The following MSLN variants were observed in gnomAD, a reference collection of about 807,000 sequenced individuals.
MSLN encodes the protein mesothelin, also known as CAK1 antigen.
In MSLN, 82 loss-of-function variants were observed where a neutral mutation model predicts 72.6. That is an observed-to-expected ratio of 1.13 (90% CI 0.94 to 1.36). The LOEUF is 1.36. Among genes scored for constraint, MSLN ranks in the 40% most tolerant of loss-of-function variants. The probability of loss-of-function intolerance (pLI) is 0.00; values close to 1 mark genes in which losing one functional copy is unlikely to be tolerated. For synonymous variants in MSLN, 456 were observed against 387.3 expected, an observed-to-expected ratio of 1.18 and a Z score of -2.08; for missense variants, 1,005 against 847.9, an observed-to-expected ratio of 1.19 and a Z score of -2.30.
In MSLN at chr16:763,219, C is replaced by T. The variant is rs563516882; in HGVS notation, c.86-14C>T. 23 of 1,536,712 alleles carry T rather than the reference C, an allele frequency of 1.5e-5. No individual in the cohort carries two copies. In the African/African-American group the frequency reaches 2.8e-4, roughly 19 times the overall value. The stretch of plus-strand genomic sequence containing the variant: ...CCCGCCCCCTCCCCCAAGCTGTCCC[C>T]TCTGCCCCTTTAGGATGGGTGCAGC... On this transcript the variant is annotated splice_polypyrimidine_tract_variant and intron_variant, in intron 3 of 17. Coordinates refer to ENST00000545450, the MANE Select transcript of MSLN (RefSeq NM_005823.6).
Position 764,908 on chromosome 16 carries a change from C to A in MSLN, c.382C>A (p.Pro128Thr). 1.2e-6 allele frequency: 2 copies of A among 1,611,534 alleles called. No homozygotes were observed. The highest frequency in any genetic ancestry group is 1.7e-6 in the Non-Finnish European group (2 of 1,179,388). The change falls in exon 8 of 18, where the codon CCA becomes ACA. Residue 128 changes from proline (P) to threonine (T), a missense_variant and splice_region_variant. Physicochemically the swap from Pro to Thr is conservative, Grantham distance 38 (BLOSUM62 -1). Coordinates refer to ENST00000545450, the MANE Select transcript of MSLN (RefSeq NM_005823.6). ...GTCCCCAGCACCCTCTCTTCACAGCCCAGATGCGTTCTCGGGGCCCCAGGC... is the reference window on the plus strand; with the variant it reads ...GTCCCCAGCACCCTCTCTTCACAGCACAGATGCGTTCTCGGGGCCCCAGGC... Reference protein sequence around the residue: ...LPLDLLLFLNPDAFSGPQACT... With the variant: ...LPLDLLLFLNTDAFSGPQACT...
At chr16:765,502 T>G in intron 9 of MSLN, 25 bp from the exon 10 acceptor site, 1 of 1,587,700 alleles carries the variant, frequency 6.3e-7, no homozygotes, top group South Asian at 1.1e-5. Flanking sequence ...GGGGGGTCCC[T>G]GAGCTGTGTC....
rs146256452 is a variant in MSLN at position 764,119 on chromosome 16, G to A, written c.276G>A (p.Lys92=). Residue 92 remains lysine (K), a synonymous_variant, in exon 6 of 18, where the codon AAG becomes AAA. Transcript: ENST00000545450. ...AGCTGGCTGTGGCCTTGGCACAGAA[G>A]AATGTCAAGCTCTCAACAGAGCAGG... is the stretch of plus-strand genomic sequence containing the variant. The part of the protein sequence containing the change: ...VRELAVALAQ[K]NVKLSTEQLR... The A allele has an allele frequency of 1.6e-3, 2,553 of 1,605,750 alleles. No homozygotes were observed. Among genetic ancestry groups the A allele is most frequent in the Middle Eastern group, 3.6e-3 (22 of 6,054 alleles).
In MSLN at chr16:763,271, G is replaced by A. The variant is rs377302577; in HGVS notation, c.124G>A (p.Gly42Arg). The change falls in exon 4 of 18, where the codon GGG (glycine) becomes AGG (arginine). Residue 42 changes from glycine to arginine, a missense_variant. Transcript: ENST00000545450. ...CTCGAGGACCCTGGCTGGAGAGACA[G>A]GGCAGGTAAGGTCCCCTCTGGGGAA... ...QPSRTLAGET[G>R]QEAAPLDGVL... 3 of 1,543,156 alleles carry A rather than the reference G, an allele frequency of 1.9e-6. No individual in the cohort carries two copies. Among genetic ancestry groups the A allele is most frequent in the African/African-American group, 1.4e-5 (1 of 72,394 alleles).
chr16:766,476 G>C lies in MSLN; in HGVS notation c.1216G>C (p.Glu406Gln), dbSNP rs764768614. The C allele has an allele frequency of 1.2e-6, 2 of 1,612,650 alleles. No homozygotes were observed. Among genetic ancestry groups the C allele is most frequent in the East Asian group, 4.5e-5 (2 of 44,876 alleles). The change falls in exon 13 of 18, where the codon GAA becomes CAA. Residue 406 changes from glutamate (E) to glutamine (Q), a missense_variant. Physicochemically the swap from Glu to Gln is conservative, Grantham distance 29. Coordinates refer to ENST00000545450, the MANE Select transcript of MSLN (RefSeq NM_005823.6). ...KALLEVNKGHEMSPQVATLID... is the reference protein window; with the variant it reads ...KALLEVNKGHQMSPQVATLID... ...TTTGCTTGAAGTCAACAAAGGGCAC[G>C]AAATGAGTCCTCAGGTGACCGTCCG...
Position 768,455 on chromosome 16 carries a change from C to A in MSLN, c.1673C>A (p.Pro558Gln). The A allele has an allele frequency of 6.5e-7, 1 of 1,541,700 alleles. No individual in the cohort carries two copies. The change falls in exon 17 of 18, where the codon CCG (proline) becomes CAG (glutamine). Residue 558 changes from proline (P) to glutamine (Q), a missense_variant. Physicochemically the swap from Pro to Gln is moderately conservative, Grantham distance 76. Coordinates refer to ENST00000545450, the MANE Select transcript of MSLN (RefSeq NM_005823.6). ...CTGAAGGCGGAGGAGCGGCACCGCC[C>A]GGTGCGGGACTGGATCCTACGGCAG... ...EGLKAEERHRPVRDWILRQRQ... is the reference protein window; with the variant it reads ...EGLKAEERHRQVRDWILRQRQ...
At chr16:768,231 G>A (rs1037731115) in intron 16 of MSLN, 148 bp from the exon 17 acceptor site, 13 of 739,734 alleles carry the variant, frequency 1.8e-5, no homozygotes, top group Non-Finnish European at 2.7e-5. Flanking sequence ...ATTGAGCTGA[G>A]GTCAGCTGGC....
At chr16:768,149 G>A (rs982063258) in intron 16 of MSLN, among the ~76,000 whole-genome samples, 13 of 150,596 alleles carry the variant, frequency 8.6e-5, no homozygotes, top group South Asian at 4.2e-4. Context: ...CGTGTAAGGC[G>A]GGTCTGCAGT....
At position 768,701 on chromosome 16, in the gene MSLN, C is replaced by A. The variant is rs765415592; in HGVS notation, c.1837C>A (p.Leu613Met). The part of the protein sequence containing the change: ...LLGPGPVLTV[L>M]ALLLASTLA Reference sequence around the variant, plus strand: ...AGGACCTGGACCTGTTCTCACCGTCCTGGCACTGCTCCTAGCCTCCACCCT... The same window carrying A: ...AGGACCTGGACCTGTTCTCACCGTCATGGCACTGCTCCTAGCCTCCACCCT... Residue 613 changes from leucine to methionine, a missense_variant, in exon 18 of 18, where the codon CTG becomes ATG. Transcript: ENST00000545450. The A allele has an allele frequency of 1.2e-6, 2 of 1,611,058 alleles. No homozygotes were observed. The highest frequency in any genetic ancestry group is 4.5e-5 in the East Asian group (2 of 44,870).
Position 768,365 on chromosome 16 carries a change from G to T in MSLN, c.1597-14G>T, listed in dbSNP as rs373112141. 1.3e-6 allele frequency: 2 copies of T among 1,501,434 alleles called. No homozygotes were observed. Among genetic ancestry groups the T allele is most frequent in the South Asian group, 2.7e-5 (2 of 73,278 alleles). 93.0% of individuals were successfully genotyped at this position (1,501,434 alleles called of 1,614,324 possible). A position where few individuals can be genotyped will look rare whatever the true frequency, so the allele number is the denominator to read the frequency against. ...AGGAGACCCTCCTTGATGGCTGCCC[G>T]GGGTCTCTGGCAGCCGTTGACTGTG... On this transcript the variant is annotated splice_polypyrimidine_tract_variant and intron_variant, in intron 16 of 17. Coordinates refer to ENST00000545450, the MANE Select transcript of MSLN (RefSeq NM_005823.6).
At chr16:762,903 C>A in intron 3 of MSLN, 138 bp downstream of exon 3, 1 of 684,860 alleles carries the variant, frequency 1.5e-6, no homozygotes, top group Non-Finnish European at 2.4e-6. Flanking sequence ...CAGTCTCTGC[C>A]CCCAGAGGTG....
At chr16:763,898 G>T (rs2041568722) in intron 5 of MSLN, 125 bp from the exon 6 acceptor site, 19 of 1,315,164 alleles carry the variant, frequency 1.4e-5, no homozygotes, top group Non-Finnish European at 1.7e-5. Context: ...CCTGGTCTTG[G>T]GGGGAGGTCT....
At position 767,365 on chromosome 16, in the gene MSLN, C is replaced by T. The variant is rs2041629223; in HGVS notation, c.1502-11C>T. On this transcript the variant is annotated splice_polypyrimidine_tract_variant and intron_variant, in intron 15 of 17. Coordinates refer to ENST00000545450, the MANE Select transcript of MSLN (RefSeq NM_005823.6). ...TGAGGCCTCAGCTCGGGCCCCTCTC[C>T]CGGCGGGCAGGTGGGGCCCCCACGG... is the stretch of plus-strand genomic sequence containing the variant. The T allele has an allele frequency of 1.2e-6, 2 of 1,610,314 alleles. No individual in the cohort carries two copies. The highest frequency in any genetic ancestry group is 2.2e-5 in the East Asian group (1 of 44,662).
chr16:767,023 G>A lies in MSLN; in HGVS notation c.1501+11G>A, dbSNP rs757708280. On this transcript the variant is annotated intron_variant, in intron 15 of 17. Coordinates refer to ENST00000545450, the MANE Select transcript of MSLN (RefSeq NM_005823.6). ...TCCAGTCCTTCCTGGGTGAGCCAGGGAGTCCCTGGCCAGGGTGGGCAACAC... is the reference window on the plus strand; with the variant it reads ...TCCAGTCCTTCCTGGGTGAGCCAGGAAGTCCCTGGCCAGGGTGGGCAACAC... The A allele has an allele frequency of 3.1e-6, 3 of 956,342 alleles. No individual in the cohort carries two copies. Among genetic ancestry groups the A allele is most frequent in the Non-Finnish European group, 2.8e-6 (2 of 721,904 alleles). The allele number at this position is 956,342 out of a possible 1,614,324, so 59.2% of individuals were successfully genotyped here.
At chr16:766,600 A>T (rs959961013) in intron 13 of MSLN, 68 bp from the exon 14 acceptor site, 2 of 1,610,418 alleles carry the variant, frequency 1.2e-6, no homozygotes, top group African/African-American at 1.3e-5. Context: ...GCACGGCCTG[A>T]GGTTATGCTG....
In MSLN at chr16:768,466, T is replaced by C; in HGVS notation, c.1684T>C (p.Trp562Arg). ...GGAGCGGCACCGCCCGGTGCGGGACTGGATCCTACGGCAGCGGCAGGACGA... is the reference window on the plus strand; with the variant it reads ...GGAGCGGCACCGCCCGGTGCGGGACCGGATCCTACGGCAGCGGCAGGACGA... ...AEERHRPVRD[W>R]ILRQRQDDLD... is the part of the protein sequence containing the mutation. The change falls in exon 17 of 18, where the codon TGG (tryptophan) becomes CGG (arginine). Residue 562 changes from tryptophan (W) to arginine (R), a missense_variant. Transcript: ENST00000545450. 6.4e-7 allele frequency: 1 copy of C among 1,564,992 alleles called. No homozygotes were observed. The highest frequency in any genetic ancestry group is 8.7e-7 in the Non-Finnish European group (1 of 1,152,656).
chr16:765,154 GGGAGGCCT>G lies in MSLN; in HGVS notation c.558_565del (p.Gly187LeufsTer96). 6.2e-7 allele frequency: 1 copy of G among 1,603,310 alleles called. No individual in the cohort carries two copies. The highest frequency in any genetic ancestry group is 8.5e-7 in the Non-Finnish European group (1 of 1,178,882). On this transcript the variant is annotated frameshift_variant, in exon 9 of 18. Transcript: ENST00000545450. LOFTEE classifies it high-confidence loss of function. ...TGAGCGAGGCTGATGTGCGGGCTCT[GGGAGGCCT>G]GGCTTGCGACCTGCCTGGGCGCTTT...
At position 763,973 on chromosome 16, in the gene MSLN, C is replaced by T. The variant is rs778249580; in HGVS notation, c.180-50C>T. On this transcript the variant is annotated intron_variant, in intron 5 of 17. Coordinates refer to ENST00000545450, the MANE Select transcript of MSLN (RefSeq NM_005823.6). ...TGGGGCTTGGGGAGCACTGGGTGGA[C>T]ATTGCAGGGGAGGGGCGATCGTGGG... is the stretch of plus-strand genomic sequence containing the variant. The T allele has an allele frequency of 3.1e-6, 5 of 1,587,578 alleles. No homozygotes were observed. In the East Asian group the frequency reaches 1.1e-4, roughly 36 times the overall value.
At chr16:763,452 C>T (rs945121806) in intron 4 of MSLN, among the ~76,000 whole-genome samples, 176 bp downstream of exon 4, 1 of 152,112 alleles carries the variant, frequency 6.6e-6, no homozygotes, top group Non-Finnish European at 1.5e-5. Flanking sequence ...CAGGGAGCGG[C>T]AGAGCTGAAA....
Sources: gnomAD v4.1 joint callset for allele counts (sites outside exome capture counted in the v4.1 genomes callset) on GRCh38, gnomAD v4.1.1 for gene constraint, MANE v1.5 for transcripts, NCBI Gene and HGNC (gene_info 2026-07-23, HGNC 2026-07-21) for gene names.